FARP1: variants seen among roughly 807,000 people sequenced by gnomAD.
FARP1 encodes FERM, ARH/RhoGEF and pleckstrin domain protein 1.
A neutral mutation model predicts 128.8 loss-of-function variants in FARP1; 52 were observed. That is an observed-to-expected ratio of 0.40 (90% CI 0.32 to 0.51). The LOEUF (loss-of-function observed/expected upper bound fraction) is 0.51, where lower values mean the gene tolerates loss of function less well. Among genes scored for constraint, FARP1 ranks in the 20% least tolerant of loss-of-function variants. FARP1 has a pLI of 0.45. For synonymous variants in FARP1, 580 were observed against 551.8 expected (o/e 1.05, Z -0.72); for missense variants, 1,333 against 1,367.9 (o/e 0.97, Z 0.40).
intron 2 of FARP1, among the ~76,000 whole-genome samples, chr13:98,264,454 A>G (rs763587467): frequency 1.5e-4 from 23 of 152,176 alleles, no homozygotes; most frequent in Non-Finnish European, 3.2e-4. Context: ...CCCGTCCGCC[A>G]GTCACTCAGG....
intron 1 of FARP1, among the ~76,000 whole-genome samples, chr13:98,200,398 C>CCT (rs967233034): frequency 6.9e-6 from 1 of 144,064 alleles, no homozygotes. Context: ...CCCCCCCCCC[C>CCT]TCCCCTTTGT....
intron 2 of FARP1, among the ~76,000 whole-genome samples, chr13:98,334,677 G>A (rs955989202): frequency 6.6e-6 from 1 of 152,132 alleles, no homozygotes; most frequent in Non-Finnish European, 1.5e-5. Context: ...TGTATTTGGA[G>A]TAAGGAAGTA....
At chr13:98,289,119 G>A (rs78869266) in intron 2 of FARP1, among the ~76,000 whole-genome samples, 5,036 of 152,240 alleles carry the variant, frequency 0.033, 244 homozygotes, top group African/African-American at 0.1. Flanking sequence ...CCATCAAAAT[G>A]TACTTTTGGG....
intron 16 of FARP1, among the ~76,000 whole-genome samples, chr13:98,422,262 C>G (rs552072519): frequency 6.6e-6 from 1 of 151,880 alleles, no homozygotes. Flanking sequence ...CCGGAGAGCC[C>G]GAATATAGGA....
intron 2 of FARP1, among the ~76,000 whole-genome samples, chr13:98,338,235 A>G (rs575333928): frequency 1.9e-3 from 283 of 152,300 alleles, no homozygotes; most frequent in African/African-American, 6.6e-3. Flanking sequence ...TCGTTGTGTG[A>G]TTATCACCAC....
chr13:98,392,849 A>G (rs114662045), intron 11 of FARP1, among the ~76,000 whole-genome samples: 1,836 of 149,452 alleles, frequency 0.012, 29 homozygotes, highest in African/African-American at 0.037. Context: ...TTTTTTGGAG[A>G]TGAATCCCAT....
intron 2 of FARP1, among the ~76,000 whole-genome samples, chr13:98,221,469 TC>T (rs1025788821): frequency 4.4e-4 from 67 of 152,304 alleles, no homozygotes; most frequent in African/African-American, 1.5e-3. Flanking sequence ...CAAAGCTGTG[TC>T]CCAAGGGGCC....
At chr13:98,391,442 C>T (rs552551691) in intron 11 of FARP1, among the ~76,000 whole-genome samples, 117 of 152,208 alleles carry the variant, frequency 7.7e-4, no homozygotes, top group African/African-American at 2.8e-3. Flanking sequence ...CCACTCCCAG[C>T]TAAATTTTTG....
At chr13:98,383,377 T>G (rs1410853634) in intron 6 of FARP1, among the ~76,000 whole-genome samples, 1 of 152,194 alleles carries the variant, frequency 6.6e-6, no homozygotes, top group African/African-American at 2.4e-5. Context: ...TTGTTGGTCT[T>G]TCGGATGATG....
chr13:98,192,228 C>G (rs1879282491), intron 1 of FARP1, among the ~76,000 whole-genome samples: 1 of 152,098 alleles, frequency 6.6e-6, no homozygotes, highest in Non-Finnish European at 1.5e-5. Flanking sequence ...GCGTTTATAG[C>G]CTTTTTATTG....
chr13:98,210,611 G>A (rs1384928027), intron 1 of FARP1, among the ~76,000 whole-genome samples: 1 of 150,780 alleles, frequency 6.6e-6, no homozygotes, highest in Non-Finnish European at 1.5e-5. Flanking sequence ...GTGCGGTGGC[G>A]CGATCTTGGC....
chr13:98,401,482 A>G (rs1890769751), intron 13 of FARP1: 1 of 122,478 alleles, frequency 8.2e-6, no homozygotes, highest in South Asian at 2.8e-4. Context: ...ATCACAGATC[A>G]AAAGTGGCCT....
chr13:98,269,637 T>C lies in FARP1; in HGVS notation c.171+56224T>C, dbSNP rs149873773. 1.5e-4 allele frequency among the ~76,000 whole-genome samples: 23 copies of C among 152,352 alleles called. No individual in the cohort carries two copies. In the East Asian group the frequency reaches 4.4e-3, roughly 29 times the overall value. On this transcript the variant is annotated intron_variant, in intron 2 of 26. Transcript: ENST00000319562. The stretch of plus-strand genomic sequence containing the variant: ...GTCCCACTCTTGGGTCAACATAATA[T>C]TTAGCTTTCAGTGACTGCTCATTCT...
At chr13:98,289,735 C>T (rs926118781) in intron 2 of FARP1, among the ~76,000 whole-genome samples, 7 of 152,138 alleles carry the variant, frequency 4.6e-5, no homozygotes, top group African/African-American at 1.4e-4. Flanking sequence ...GAGAACTGCT[C>T]GCTGTCCTGT....
intron 1 of FARP1, among the ~76,000 whole-genome samples, chr13:98,181,639 TATTTGAGAGA>T (rs1249380647): frequency 1.8e-4 from 11 of 62,554 alleles, no homozygotes; most frequent in African/African-American, 3.8e-4. Context: ...TTTATTTATT[TATTTGAGAGA>T]GAGAGAGAGA....
At chr13:98,214,901 T>C (rs1880970057) in intron 2 of FARP1, among the ~76,000 whole-genome samples, 1 of 152,172 alleles carries the variant, frequency 6.6e-6, no homozygotes, top group South Asian at 2.1e-4. Flanking sequence ...CACTTTTTTG[T>C]CTTTGTTGCC....
chr13:98,318,950 G>GGTT (rs763581712), intron 2 of FARP1, among the ~76,000 whole-genome samples: 2 of 120,684 alleles, frequency 1.7e-5, no homozygotes, highest in Non-Finnish European at 3.3e-5. Flanking sequence ...GTTTTTTCTT[G>GGTT]TTTTTTTTTT....
At chr13:98,319,453 T>C (rs994526627) in intron 2 of FARP1, among the ~76,000 whole-genome samples, 2 of 152,212 alleles carry the variant, frequency 1.3e-5, no homozygotes, top group Admixed American at 6.5e-5. Context: ...ACCCCGTCTC[T>C]ATTAAAAATA....
At chr13:98,332,226 C>G (rs965990115) in intron 2 of FARP1, 8 of 152,180 alleles carry the variant, frequency 5.3e-5, no homozygotes, top group African/African-American at 1.9e-4. Context: ...ACACTAACTC[C>G]CCACTCCCCT....
Sources: gnomAD v4.1 joint callset for allele counts (sites outside exome capture counted in the v4.1 genomes callset) on GRCh38, gnomAD v4.1.1 for gene constraint, MANE v1.5 for transcripts, NCBI Gene and HGNC (gene_info 2026-07-23, HGNC 2026-07-21) for gene names.